The following SLC4A10 variants were observed in gnomAD, a reference collection of about 807,000 sequenced individuals.
SLC4A10 encodes sodium-driven chloride bicarbonate exchanger.
Under a neutral mutation model 137.7 loss-of-function variants are expected in SLC4A10, and 42 were observed. The ratio of observed to expected loss-of-function variants is 0.30; its 90% confidence interval spans 0.24 to 0.39. SLC4A10 has a LOEUF of 0.39. Among genes scored for constraint, SLC4A10 ranks in the 10% least tolerant of loss-of-function variants. The pLI, the probability that SLC4A10 is intolerant of heterozygous loss-of-function variation, is 1.00. For missense variants in SLC4A10, 925 were observed against 1,355.0 expected (o/e 0.68, Z 4.98); for synonymous variants, 474 against 464.1 (o/e 1.02, Z -0.27).
intron 15 of SLC4A10, among the ~76,000 whole-genome samples, chr2:161,917,628 G>C (rs1156982808): frequency 6.6e-6 from 1 of 150,744 alleles, no homozygotes; most frequent in Non-Finnish European, 1.5e-5. Flanking sequence ...CTGCCAATGT[G>C]CTTGTAGCAT....
At chr2:161,696,182 G>A (rs2042480566) in intron 1 of SLC4A10, among the ~76,000 whole-genome samples, 1 of 150,976 alleles carries the variant, frequency 6.6e-6, no homozygotes, top group Admixed American at 6.6e-5. Context: ...TTGTCCCTGT[G>A]ATTGTTTGCT....
At chr2:161,772,066 A>G (rs1026415019) in intron 2 of SLC4A10, among the ~76,000 whole-genome samples, 1 of 151,904 alleles carries the variant, frequency 6.6e-6, no homozygotes, top group Non-Finnish European at 1.5e-5. Flanking sequence ...ACAACTCTCA[A>G]CAACTATACC....
intron 1 of SLC4A10, among the ~76,000 whole-genome samples, chr2:161,647,993 T>C (rs930849759): frequency 1.3e-5 from 2 of 152,254 alleles, no homozygotes; most frequent in East Asian, 1.9e-4. Flanking sequence ...ATAGCATTCA[T>C]GCATTTTTCA....
rs534780142 is a variant in SLC4A10 at position 161,800,123 on chromosome 2, G to A, written c.131-4326G>A. Among the ~76,000 whole-genome samples the A allele has an allele frequency of 4.5e-4, 69 of 151,936 alleles. 2 individuals are homozygous for A. The highest frequency in any genetic ancestry group is 8.1e-4 in the Non-Finnish European group (55 of 67,938). On this transcript the variant is annotated intron_variant, in intron 2 of 26. Coordinates refer to ENST00000446997, the MANE Select transcript of SLC4A10 (RefSeq NM_001178015.2). The stretch of plus-strand genomic sequence containing the variant: ...AATAAGTGTCTGCATATCTCTGAGG[G>A]TCTCTGTCTATTCAGTCCACCTTTA...
intron 2 of SLC4A10, among the ~76,000 whole-genome samples, chr2:161,793,877 A>G (rs971670905): frequency 1.4e-4 from 22 of 152,162 alleles, no homozygotes; most frequent in African/African-American, 4.8e-4. Context: ...AAGATTATGC[A>G]TGTTTTTCTT....
At chr2:161,695,589 A>C (rs1444756277) in intron 1 of SLC4A10, among the ~76,000 whole-genome samples, 1 of 152,186 alleles carries the variant, frequency 6.6e-6, no homozygotes, top group African/African-American at 2.4e-5. Context: ...TTTATTGATT[A>C]GCATTTAGAG....
intron 1 of SLC4A10, among the ~76,000 whole-genome samples, chr2:161,718,648 G>T (rs997426934): frequency 1.3e-5 from 2 of 152,074 alleles, no homozygotes; most frequent in African/African-American, 4.8e-5. Flanking sequence ...ATTTGATTGT[G>T]CCATGGTCTG....
intron 23 of SLC4A10, among the ~76,000 whole-genome samples, chr2:161,967,475 T>C (rs868305909): frequency 6.6e-6 from 1 of 152,328 alleles, no homozygotes; most frequent in Non-Finnish European, 1.5e-5. Flanking sequence ...AACAATTTGG[T>C]ATGAAAATGC....
At chr2:161,756,794 A>G (rs2049699064) in intron 1 of SLC4A10, among the ~76,000 whole-genome samples, 2 of 152,172 alleles carry the variant, frequency 1.3e-5, no homozygotes. Context: ...AGTATAAGCC[A>G]CAATTGAAGT....
chr2:161,655,858 A>G (rs1408745488), intron 1 of SLC4A10, among the ~76,000 whole-genome samples: 2 of 149,564 alleles, frequency 1.3e-5, no homozygotes, highest in Non-Finnish European at 3.0e-5. Flanking sequence ...TCTGTCACCC[A>G]GGCTGGAGTG....
intron 8 of SLC4A10, among the ~76,000 whole-genome samples, chr2:161,874,286 G>T (rs912742397): frequency 6.6e-6 from 1 of 152,142 alleles, no homozygotes. Flanking sequence ...CATAAAGAAG[G>T]CATATTTAAC....
At chr2:161,869,123 C>T (rs892312649) in intron 6 of SLC4A10, among the ~76,000 whole-genome samples, 2 of 151,420 alleles carry the variant, frequency 1.3e-5, no homozygotes, top group African/African-American at 2.4e-5. Flanking sequence ...AATTTTTTTC[C>T]GTGAGGGAAA....
chr2:161,707,238 T>C (rs1168984783), intron 1 of SLC4A10, among the ~76,000 whole-genome samples: 1 of 151,432 alleles, frequency 6.6e-6, no homozygotes, highest in African/African-American at 2.4e-5. Context: ...TTAGAGTCAG[T>C]AGTTTTTCTA....
chr2:161,829,992 A>G (rs959243784), intron 3 of SLC4A10, among the ~76,000 whole-genome samples: 8 of 152,192 alleles, frequency 5.3e-5, no homozygotes, highest in African/African-American at 1.7e-4. Flanking sequence ...GGTCTCTGCC[A>G]CAACACATAA....
At chr2:161,787,480 G>C (rs543071405) in intron 2 of SLC4A10, among the ~76,000 whole-genome samples, 149 of 152,084 alleles carry the variant, frequency 9.8e-4, no homozygotes, top group Non-Finnish European at 1.6e-3. Context: ...CAAGATCAGG[G>C]AAATTTTTCT....
At chr2:161,666,875 C>A (rs532409717) in intron 1 of SLC4A10, among the ~76,000 whole-genome samples, 120 of 151,784 alleles carry the variant, frequency 7.9e-4, no homozygotes, top group Non-Finnish European at 1.4e-3. Context: ...TTAATAGTAA[C>A]ACTTACTGCT....
intron 19 of SLC4A10, among the ~76,000 whole-genome samples, chr2:161,955,181 A>G (rs972658171): frequency 6.6e-6 from 1 of 152,220 alleles, no homozygotes; most frequent in African/African-American, 2.4e-5. Context: ...TTCTCACTCC[A>G]GAGTTGCTAG....
At chr2:161,702,133 G>A (rs1166595608) in intron 1 of SLC4A10, among the ~76,000 whole-genome samples, 1 of 151,788 alleles carries the variant, frequency 6.6e-6, no homozygotes, top group East Asian at 1.9e-4. Context: ...ACAACAGCCA[G>A]GATATGGAAT....
chr2:161,715,640 C>T (rs2044774693), intron 1 of SLC4A10, among the ~76,000 whole-genome samples: 1 of 152,082 alleles, frequency 6.6e-6, no homozygotes, highest in South Asian at 2.1e-4. Flanking sequence ...TGGCTTCCAG[C>T]TCCATCCATA....
Sources: allele counts gnomAD v4.1 joint callset (sites outside exome capture counted in the v4.1 genomes callset), GRCh38; gene constraint gnomAD v4.1.1; transcripts MANE v1.5; gene names NCBI Gene and HGNC (gene_info 2026-07-23, HGNC 2026-07-21).